The following APOO variants were observed in gnomAD, a reference collection of about 807,000 sequenced individuals.
The protein encoded by APOO is MICOS complex subunit MIC26.
Under a neutral mutation model 23.1 loss-of-function variants are expected in APOO, and 11 were observed. The observed-to-expected ratio is 0.48, with a 90% CI of 0.30 to 0.79. The LOEUF is 0.79. Ranked by LOEUF, APOO falls within the 30% of genes least tolerant of loss-of-function variation. APOO has a pLI of 0.07. For missense variants in APOO, 160 were observed against 142.7 expected (o/e 1.12, Z -0.62); for synonymous variants, 59 against 54.8 (o/e 1.08, Z -0.34).
intron 4 of APOO, among the ~76,000 whole-genome samples, chrX:23,871,311 C>T (rs1196591041): frequency 3.9e-5 from 4 of 102,051 alleles, no homozygotes; most frequent in African/African-American, 1.4e-4. Context: ...TGTAGTGAGC[C>T]GAGACCGCGC....
chrX:23,845,301 A>C (rs1924179534), intron 7 of APOO, among the ~76,000 whole-genome samples: 1 of 112,466 alleles, frequency 8.9e-6, no homozygotes, highest in Non-Finnish European at 1.9e-5. Flanking sequence ...ACAAAGCACA[A>C]ACTCATAACT....
In APOO at chrX:23,907,724, G is replaced by A. The variant is rs1486888611; in HGVS notation, c.-22C>T. On this transcript the variant is annotated 5_prime_UTR_variant, in exon 1 of 9. Coordinates refer to ENST00000379226, the MANE Select transcript of APOO (RefSeq NM_024122.5). ...ACATGTCGCTGGCAGCGGAGGCTCC[G>A]GCAGGGTCACCCCGGCCTCGGCCAC... 10 of 1,159,091 alleles carry A rather than the reference G, an allele frequency of 8.6e-6. No homozygotes were observed. Among genetic ancestry groups the A allele is most frequent in the Middle Eastern group, 2.5e-4 (1 of 4,041 alleles).
intron 7 of APOO, 28 bp from the exon 8 acceptor site, chrX:23,840,405 TG>T (rs767958308): frequency 2.5e-6 from 3 of 1,181,817 alleles, no homozygotes; most frequent in Non-Finnish European, 3.4e-6. Context: ...AGAGCTTGAA[TG>T]CAGTTTGAAA....
intron 4 of APOO, among the ~76,000 whole-genome samples, chrX:23,872,893 T>C (rs978614319): frequency 9.2e-6 from 1 of 109,018 alleles, no homozygotes; most frequent in African/African-American, 3.3e-5. Context: ...CTACTAAAAA[T>C]ACAAAAAATA....
intron 3 of APOO, among the ~76,000 whole-genome samples, chrX:23,875,448 C>T (rs1925803604): frequency 3.2e-5 from 3 of 93,438 alleles, no homozygotes; most frequent in South Asian, 1.0e-3. Context: ...GATAGAGTTT[C>T]GCTTTTGTCG....
chrX:23,891,818 A>G (rs1926668026), intron 1 of APOO, among the ~76,000 whole-genome samples: 2 of 109,551 alleles, frequency 1.8e-5, no homozygotes, highest in Non-Finnish European at 3.8e-5. Flanking sequence ...GTTTATATAT[A>G]TGTATATAAA....
intron 7 of APOO, among the ~76,000 whole-genome samples, chrX:23,847,818 T>TAC (rs1924318684): frequency 9.6e-6 from 1 of 104,030 alleles, no homozygotes; most frequent in South Asian, 4.1e-4. Flanking sequence ...TATATATATA[T>TAC]ATACACACAC....
At chrX:23,853,072 A>T (rs1257069048) in intron 7 of APOO, among the ~76,000 whole-genome samples, 4 of 110,425 alleles carry the variant, frequency 3.6e-5, no homozygotes, top group African/African-American at 1.3e-4. Flanking sequence ...AGCCTGACCA[A>T]CATGGTGAAA....
At chrX:23,853,024 G>A (rs780601455) in intron 7 of APOO, among the ~76,000 whole-genome samples, 2 of 110,125 alleles carry the variant, frequency 1.8e-5, no homozygotes, top group East Asian at 2.8e-4. Context: ...TTGGGAGGCC[G>A]AGATGGGTGG....
At chrX:23,846,132 C>T (rs2146970606) in intron 7 of APOO, among the ~76,000 whole-genome samples, 1 of 106,990 alleles carries the variant, frequency 9.3e-6, no homozygotes, top group African/African-American at 3.4e-5. Context: ...TGGCGAAACC[C>T]CGTCTCTACT....
chrX:23,890,264 C>T (rs961373399), intron 1 of APOO, among the ~76,000 whole-genome samples: 6 of 111,938 alleles, frequency 5.4e-5, no homozygotes, highest in Non-Finnish European at 9.4e-5. Context: ...TCTCTCCCGT[C>T]TTAAACAAAA....
At chrX:23,837,242 C>T (rs775854578) in intron 8 of APOO, 4 of 683,487 alleles carry the variant, frequency 5.9e-6, no homozygotes, top group Admixed American at 2.7e-5. Context: ...GGGCCCTTCA[C>T]GATAACTGTG....
chrX:23,854,734 G>A (rs1601895157), intron 7 of APOO, among the ~76,000 whole-genome samples: 1 of 110,118 alleles, frequency 9.1e-6, no homozygotes, highest in Non-Finnish European at 1.9e-5. Context: ...TGTTGGCCAG[G>A]CTGGTCTGGA....
intron 1 of APOO, among the ~76,000 whole-genome samples, chrX:23,902,747 C>T (rs1326707375): frequency 8.9e-6 from 1 of 111,788 alleles, no homozygotes; most frequent in Non-Finnish European, 1.9e-5. Flanking sequence ...ACACACTGCA[C>T]TTTTACTACC....
chrX:23,852,568 C>T (rs202127615), intron 7 of APOO, among the ~76,000 whole-genome samples: 17 of 107,903 alleles, frequency 1.6e-4, no homozygotes, highest in African/African-American at 5.4e-4. Context: ...GAGCCGAGAT[C>T]GTGCCACTGC....
At chrX:23,868,932 A>G (rs1185672629) in intron 4 of APOO, among the ~76,000 whole-genome samples, 1 of 101,382 alleles carries the variant, frequency 9.9e-6, no homozygotes. Flanking sequence ...TTTTGAGATG[A>G]AGTTTTGCTC....
At chrX:23,897,131 A>T (rs759401720) in intron 1 of APOO, among the ~76,000 whole-genome samples, 1 of 112,079 alleles carries the variant, frequency 8.9e-6, no homozygotes, top group East Asian at 2.8e-4. Flanking sequence ...TGTTTTCAAG[A>T]CTAATATTAT....
chrX:23,853,130 C>T (rs776738044), intron 7 of APOO, among the ~76,000 whole-genome samples: 8 of 110,338 alleles, frequency 7.3e-5, no homozygotes, highest in Non-Finnish European at 1.1e-4. Flanking sequence ...TTGTGGTGTG[C>T]GCCTGTAGTC....
At chrX:23,858,086 C>T (rs190586708) in intron 6 of APOO, among the ~76,000 whole-genome samples, 2 of 110,787 alleles carry the variant, frequency 1.8e-5, no homozygotes, top group African/African-American at 3.3e-5. Flanking sequence ...TGCCTGCCAC[C>T]GTGATAGACC....
Sources: allele counts gnomAD v4.1 joint callset (sites outside exome capture counted in the v4.1 genomes callset), GRCh38; gene constraint gnomAD v4.1.1; transcripts MANE v1.5; gene names NCBI Gene and HGNC (gene_info 2026-07-23, HGNC 2026-07-21).